ST18: variants seen among roughly 807,000 people sequenced by gnomAD.
ST18 encodes ST18 C2H2C-type zinc finger transcription factor.
In ST18, 50 loss-of-function variants were observed where a neutral mutation model predicts 110.0. That is an observed-to-expected ratio of 0.45 (90% confidence interval 0.36 to 0.58). ST18 has a LOEUF of 0.58. Among genes scored for constraint, ST18 ranks in the 20% least tolerant of loss-of-function variants. ST18 has a pLI of 0.00. For missense variants in ST18, 1,306 were observed against 1,280.1 expected, an observed-to-expected ratio of 1.02 and a Z score of -0.31; for synonymous variants, 461 against 452.4, an observed-to-expected ratio of 1.02 and a Z score of -0.24.
chr8:52,398,486 T>C (rs1841914877), intron 2 of ST18, among the ~76,000 whole-genome samples: 1 of 152,214 alleles, frequency 6.6e-6, no homozygotes, highest in Admixed American at 6.5e-5. Context: ...TCCTGCCTTG[T>C]ATCAGATCAT....
chr8:52,112,970 T>A lies in ST18; in HGVS notation c.*228A>T, dbSNP rs535434171. On this transcript the variant is annotated 3_prime_UTR_variant, in exon 26 of 26. Coordinates refer to ENST00000689386, the MANE Select transcript of ST18 (RefSeq NM_001352837.2). ...AATGAAGAAATAAAAGAAAAACATA[T>A]GAAAATAAATAAGATCTAATAATTG... 2.7e-6 allele frequency: 1 copy of A among 369,638 alleles called. No individual in the cohort carries two copies. Among genetic ancestry groups the A allele is most frequent in the Non-Finnish European group, 4.7e-6 (1 of 212,118 alleles). The allele number at this position is 369,638 out of a possible 1,614,324, so 22.9% of individuals were successfully genotyped here. A position where few individuals can be genotyped will look rare whatever the true frequency, so the allele number is the denominator to read the frequency against.
chr8:52,291,900 G>C (rs568021400), intron 2 of ST18, among the ~76,000 whole-genome samples: 3 of 151,946 alleles, frequency 2.0e-5, no homozygotes, highest in Non-Finnish European at 2.9e-5. Flanking sequence ...CCAGTCTCTC[G>C]AGATAGCTGG....
chr8:52,194,073 T>A (rs568023319), intron 8 of ST18, among the ~76,000 whole-genome samples: 3 of 152,274 alleles, frequency 2.0e-5, no homozygotes, highest in African/African-American at 4.8e-5. Context: ...AGCTAATAAA[T>A]GCTTTTTTTT....
At chr8:52,401,839 G>A (rs1002593186) in intron 2 of ST18, among the ~76,000 whole-genome samples, 1 of 152,088 alleles carries the variant, frequency 6.6e-6, no homozygotes, top group Admixed American at 6.5e-5. Flanking sequence ...TCCTTTTGTG[G>A]TGTCATGTTT....
intron 8 of ST18, among the ~76,000 whole-genome samples, chr8:52,197,391 T>C (rs1243410357): frequency 2.0e-5 from 3 of 152,196 alleles, no homozygotes; most frequent in Non-Finnish European, 2.9e-5. Flanking sequence ...AGGCACAGCC[T>C]TACTAATGAA....
At chr8:52,407,077 T>G (rs1844780451) in intron 2 of ST18, 2 of 152,222 alleles carry the variant, frequency 1.3e-5, no homozygotes, top group Non-Finnish European at 2.9e-5. Flanking sequence ...GTGAAGATAT[T>G]TAGATCCCCT....
intron 8 of ST18, among the ~76,000 whole-genome samples, chr8:52,200,602 T>A (rs2077638609): frequency 6.6e-6 from 1 of 152,116 alleles, no homozygotes. Context: ...GTGGAGTGAA[T>A]CTTACATGAG....
chr8:52,366,867 T>C (rs980904661), intron 2 of ST18, among the ~76,000 whole-genome samples: 3 of 152,216 alleles, frequency 2.0e-5, no homozygotes, highest in Non-Finnish European at 4.4e-5. Context: ...CCAAGATCTA[T>C]AAAAGTGCCT....
intron 2 of ST18, among the ~76,000 whole-genome samples, chr8:52,354,381 A>G (rs1821754764): frequency 6.6e-6 from 1 of 152,198 alleles, no homozygotes; most frequent in South Asian, 2.1e-4. Context: ...TCAGGATATG[A>G]TATTTTCAGA....
intron 2 of ST18, among the ~76,000 whole-genome samples, chr8:52,329,055 G>A (rs1309221136): frequency 6.6e-6 from 1 of 152,056 alleles, no homozygotes; most frequent in Non-Finnish European, 1.5e-5. Context: ...TTAAAATTTG[G>A]TATTAATTCT....
intron 10 of ST18, among the ~76,000 whole-genome samples, chr8:52,170,722 C>A (rs1343033168): frequency 6.6e-6 from 1 of 152,166 alleles, no homozygotes; most frequent in Middle Eastern, 3.2e-3. Flanking sequence ...CCAACCCTTG[C>A]AGGATGTTTG....
At chr8:52,157,178 G>C (rs1050479700) in intron 15 of ST18, among the ~76,000 whole-genome samples, 1 of 152,078 alleles carries the variant, frequency 6.6e-6, no homozygotes, top group Non-Finnish European at 1.5e-5. Flanking sequence ...TTTTAAAATA[G>C]AACACATATT....
chr8:52,307,155 GA>G (rs375466585), intron 2 of ST18, among the ~76,000 whole-genome samples: 2 of 149,140 alleles, frequency 1.3e-5, no homozygotes, highest in African/African-American at 4.9e-5. Flanking sequence ...CCTGCCTCTA[GA>G]AAAAAAAAAT....
At chr8:52,385,630 A>T (rs1032306484) in intron 2 of ST18, among the ~76,000 whole-genome samples, 2 of 149,242 alleles carry the variant, frequency 1.3e-5, no homozygotes, top group African/African-American at 4.9e-5. Flanking sequence ...CACAGCTTGG[A>T]TTCCTGGGCC....
At chr8:52,175,092 C>G (rs925383986) in intron 9 of ST18, among the ~76,000 whole-genome samples, 2 of 152,162 alleles carry the variant, frequency 1.3e-5, no homozygotes, top group African/African-American at 2.4e-5. Flanking sequence ...GCCTCTCTTG[C>G]AAGCTCGGTG....
intron 2 of ST18, among the ~76,000 whole-genome samples, chr8:52,262,068 G>A (rs767538190): frequency 2.6e-5 from 4 of 152,214 alleles, no homozygotes; most frequent in Non-Finnish European, 5.9e-5. Context: ...CTCAGCATAT[G>A]TTGAGGGCCT....
In ST18 at chr8:52,264,011, C is replaced by T. The variant is rs2094788009; in HGVS notation, c.-464-33934G>A. Among the ~76,000 whole-genome samples, 3 of 152,042 alleles carry T rather than the reference C, an allele frequency of 2.0e-5. No individual in the cohort carries two copies. The South Asian group carries it at 6.2e-4, about 32-fold the overall frequency. On this transcript the variant is annotated intron_variant, in intron 2 of 25. Coordinates refer to ENST00000689386, the MANE Select transcript of ST18 (RefSeq NM_001352837.2). ...ACGGGTTTTCACCATGTTAGCTAGGCTGGTTGTGAATTCCTGACCTCAAGT... is the reference window on the plus strand; with the variant it reads ...ACGGGTTTTCACCATGTTAGCTAGGTTGGTTGTGAATTCCTGACCTCAAGT...
chr8:52,320,848 T>C (rs1205993969), intron 2 of ST18, among the ~76,000 whole-genome samples: 2 of 152,140 alleles, frequency 1.3e-5, no homozygotes, highest in African/African-American at 2.4e-5. Context: ...AGAGAAACTT[T>C]AGACTGTGTA....
At chr8:52,285,892 G>A (rs950989834) in intron 2 of ST18, among the ~76,000 whole-genome samples, 1 of 152,172 alleles carries the variant, frequency 6.6e-6, no homozygotes, top group Non-Finnish European at 1.5e-5. Flanking sequence ...TTCTCCTGGA[G>A]CCAGCACAGT....
Sources: gnomAD v4.1 joint callset for allele counts (sites outside exome capture counted in the v4.1 genomes callset) on GRCh38, gnomAD v4.1.1 for gene constraint, MANE v1.5 for transcripts, NCBI Gene and HGNC (gene_info 2026-07-23, HGNC 2026-07-21) for gene names.